Variants in EPHA2 observed in about 807,000 individuals in gnomAD.
The protein encoded by EPHA2 is EPH receptor A2, also known as ephrin type-A receptor 2.
A neutral mutation model predicts 104.9 loss-of-function variants in EPHA2; 54 were observed. That is an observed-to-expected ratio of 0.51 (90% CI 0.41 to 0.65). EPHA2 has a LOEUF of 0.65. EPHA2 is among the 30% of genes least tolerant of loss of function. The pLI is 0.00. For missense variants in EPHA2, 1,117 were observed against 1,369.5 expected, an observed-to-expected ratio of 0.82 and a Z score of 2.91; for synonymous variants, 560 against 559.1, an observed-to-expected ratio of 1.00 and a Z score of -0.02.
Position 16,148,435 on chromosome 1 carries a change from G to T in EPHA2, c.766C>A (p.Pro256Thr). ...HCAVDGEWLV[P>T]IGQCLCQAGY... ...GCCTGGCACAGGCACTGCCCAATGG[G>T]CACCAGCCACTCGCCATCCACTGCA... Residue 256 changes from proline (P) to threonine (T), a missense_variant, in exon 3 of 17, where the codon CCC becomes ACC. Pro to Thr is a conservative substitution (Grantham distance 38, BLOSUM62 -1). Coordinates refer to ENST00000358432, the MANE Select transcript of EPHA2 (RefSeq NM_004431.5). The surrounding 1 kb of genome is among the most constrained non-coding windows in gnomAD (Gnocchi z 4.9). 1.2e-6 allele frequency: 2 copies of T among 1,611,934 alleles called. No homozygotes were observed. The highest frequency in any genetic ancestry group is 1.7e-6 in the Non-Finnish European group (2 of 1,179,800).
chr1:16,132,162 G>C lies in EPHA2; in HGVS notation c.2227C>G (p.Arg743Gly), dbSNP rs970850963. 6.2e-7 allele frequency: 1 copy of C among 1,614,180 alleles called. No homozygotes were observed. Among genetic ancestry groups the C allele is most frequent in the East Asian group, 2.2e-5 (1 of 44,886 alleles). ...MNYVHRDLAA[R>G]NILVNSNLVC... ...AGGTTGCTGTTGACGAGGATGTTGC[G>C]GGCAGCCAGGTCACGGTGCACATAG... is the stretch of plus-strand genomic sequence containing the variant. The change falls in exon 13 of 17, where the codon CGC (arginine) becomes GGC (glycine). Residue 743 changes from arginine (R) to glycine (G), a missense_variant. Coordinates refer to ENST00000358432, the MANE Select transcript of EPHA2 (RefSeq NM_004431.5).
chr1:16,156,024 G>C lies in EPHA2; in HGVS notation c.-92C>G, dbSNP rs2025162636. ...CCGGCCTCGGTGTCCGCTCCCGCCC[G>C]CCGGCCTGCGCGCAACTTCTGCCCC... On this transcript the variant is annotated 5_prime_UTR_variant, in exon 1 of 17. Transcript: ENST00000358432. The C allele has an allele frequency of 1.8e-6, 2 of 1,137,280 alleles. No individual in the cohort carries two copies. Among genetic ancestry groups the C allele is most frequent in the South Asian group, 1.8e-5 (1 of 56,228 alleles). The allele number at this position is 1,137,280 out of a possible 1,614,324, so 70.4% of individuals were successfully genotyped here.
chr1:16,132,654 T>G (rs1313447637), intron 11 of EPHA2, among the ~76,000 whole-genome samples: 4 of 123,120 alleles, frequency 3.2e-5, no homozygotes, highest in Admixed American at 8.1e-5. Flanking sequence ...TGGGGAGAGG[T>G]GGGTTCAGGT....
chr1:16,155,775 G>A (rs986532023), intron 1 of EPHA2, 73 bp downstream of exon 1: 11 of 1,195,672 alleles, frequency 9.2e-6, no homozygotes, highest in Admixed American at 8.3e-5. Flanking sequence ...AAAGTTGCGC[G>A]CGTCAAGGAG....
chr1:16,141,360 G>T (rs2024821157), intron 3 of EPHA2, among the ~76,000 whole-genome samples: 1 of 152,204 alleles, frequency 6.6e-6, no homozygotes, highest in African/African-American at 2.4e-5. Flanking sequence ...AAACCCATGA[G>T]TATATTGCAT....
In EPHA2 at chr1:16,148,987, C is replaced by T. The variant is rs370014325; in HGVS notation, c.214G>A (p.Val72Met). The T allele has an allele frequency of 2.5e-6, 4 of 1,613,972 alleles. No individual in the cohort carries two copies. Among genetic ancestry groups the T allele is most frequent in the African/African-American group, 2.7e-5 (2 of 74,920 alleles). The change falls in exon 3 of 17, where the codon GTG becomes ATG. Residue 72 changes from valine to methionine, a missense_variant. Val to Met is a conservative substitution (Grantham distance 21, BLOSUM62 1). This residue lies in a region of EPHA2 where 664 missense variants were observed against 784.8 expected (regional missense o/e 0.85). Coordinates refer to ENST00000358432, the MANE Select transcript of EPHA2 (RefSeq NM_004431.5). The surrounding 1 kb of genome is among the most constrained non-coding windows in gnomAD (Gnocchi z 4.9). ...CAGTTGTCCTGGTCGCCAGACATCACGTTGCACACGGAGTACATGTAGATC... is the reference window on the plus strand; with the variant it reads ...CAGTTGTCCTGGTCGCCAGACATCATGTTGCACACGGAGTACATGTAGATC... Reference protein sequence around the residue: ...MPIYMYSVCNVMSGDQDNWLR... With the variant: ...MPIYMYSVCNMMSGDQDNWLR...
intron 16 of EPHA2, among the ~76,000 whole-genome samples, chr1:16,127,893 C>T (rs1376558786): frequency 8.5e-5 from 13 of 152,316 alleles, no homozygotes; most frequent in Non-Finnish European, 5.9e-5. Context: ...GCGAGGAGCA[C>T]CCTGGGCTAT....
At chr1:16,152,937 C>A (rs780467332) in intron 1 of EPHA2, among the ~76,000 whole-genome samples, 8 of 152,176 alleles carry the variant, frequency 5.3e-5, no homozygotes, top group Non-Finnish European at 1.2e-4. Flanking sequence ...AGGCGCCCAG[C>A]GCTGGGTCCC....
Position 16,131,203 on chromosome 1 carries a change from C to A in EPHA2, c.2475+518G>T, listed in dbSNP as rs2024563667. On this transcript the variant is annotated intron_variant, in intron 14 of 16. Transcript: ENST00000358432. The surrounding 1 kb of genome is among the most constrained non-coding windows in gnomAD (Gnocchi z 5.2). The stretch of plus-strand genomic sequence containing the variant: ...ATGGACACACGGATACACACGTACA[C>A]CCCACTCCTTTTTTCATCTCTGCAC... Among the ~76,000 whole-genome samples, 1 of 152,012 alleles carries A rather than the reference C, an allele frequency of 6.6e-6. No homozygotes were observed. Among genetic ancestry groups the A allele is most frequent in the Admixed American group, 6.6e-5 (1 of 15,228 alleles).
intron 3 of EPHA2, among the ~76,000 whole-genome samples, chr1:16,145,322 A>G (rs2024912215): frequency 6.6e-6 from 1 of 152,172 alleles, no homozygotes; most frequent in Non-Finnish European, 1.5e-5. Flanking sequence ...CATTCCTGAC[A>G]TAGTTCATGG....
Position 16,155,856 on chromosome 1 carries a change from C to T in EPHA2, c.77G>A (p.Gly26Asp). ...CALAAAAAAQ[G>D]KEVVLLDFAA... Reference sequence around the variant, plus strand: ...ACGCCGCGCGCACTCACCTTCCTTGCCCTGCGCCGCCGCGGCCGCGGCCAG... The same window carrying T: ...ACGCCGCGCGCACTCACCTTCCTTGTCCTGCGCCGCCGCGGCCGCGGCCAG... Residue 26 changes from glycine to aspartate, a missense_variant, in exon 1 of 17, where the codon GGC becomes GAC. Transcript: ENST00000358432. 2.7e-6 allele frequency: 4 copies of T among 1,454,784 alleles called. No individual in the cohort carries two copies. Among genetic ancestry groups the T allele is most frequent in the Non-Finnish European group, 3.6e-6 (4 of 1,109,530 alleles). 90.1% of individuals were successfully genotyped at this position (1,454,784 alleles called of 1,614,324 possible). A position where few individuals can be genotyped will look rare whatever the true frequency, so the allele number is the denominator to read the frequency against.
chr1:16,137,625 T>C (rs955162697), intron 5 of EPHA2, among the ~76,000 whole-genome samples: 2 of 152,176 alleles, frequency 1.3e-5, no homozygotes, highest in Non-Finnish European at 2.9e-5. Flanking sequence ...ATTGCAAAAA[T>C]AATATCATAA....
At position 16,135,653 on chromosome 1, in the gene EPHA2, AC is replaced by A. The variant is rs2024670100; in HGVS notation, c.1428+1del. On this transcript the variant is annotated splice_donor_variant, in intron 6 of 16. Transcript: ENST00000358432. LOFTEE classifies it high-confidence loss of function. This position sits in a 1 kb window ranked among gnomAD's most constrained non-coding sequence, Gnocchi z 4.3. The stretch of plus-strand genomic sequence containing the variant: ...AGCCAGCCCCGCCCCTCTGGGAGTT[AC>A]CTTCTTGCGGTAAGTGACCTCGTAC... The A allele has an allele frequency of 6.2e-7, 1 of 1,613,372 alleles. No individual in the cohort carries two copies. The highest frequency in any genetic ancestry group is 1.3e-5 in the African/African-American group (1 of 74,784).
In EPHA2 at chr1:16,129,529, G is replaced by A. The variant is rs140726562; in HGVS notation, c.2730C>T (p.Ser910=). The change falls in exon 16 of 17, where the codon TCC becomes TCT. Residue 910 remains serine, a synonymous_variant. Transcript: ENST00000358432. ...GSEGVPFRTV[S]EWLESIKMQQ... ...GCATCTTGATGGACTCCAGCCACTC[G>A]GACACCGTGCGGAAGGGCACCCCCT... is the stretch of plus-strand genomic sequence containing the variant. 1.5e-4 allele frequency: 242 copies of A among 1,613,434 alleles called. No homozygotes were observed. Among genetic ancestry groups the A allele is most frequent in the East Asian group, 4.5e-5 (2 of 44,882 alleles).
chr1:16,142,955 A>T (rs1201000608), intron 3 of EPHA2, among the ~76,000 whole-genome samples: 1 of 35,784 alleles, frequency 2.8e-5, no homozygotes, highest in African/African-American at 1.0e-4. Flanking sequence ...AGGGATGGAT[A>T]GGCAGGAGGG....
chr1:16,129,329 A>G, intron 16 of EPHA2, 105 bp downstream of exon 16: 1 of 1,358,744 alleles, frequency 7.4e-7, no homozygotes, highest in Non-Finnish European at 1.0e-6. Flanking sequence ...GAAAGAACAA[A>G]GAGAGGAGCA....
intron 3 of EPHA2, among the ~76,000 whole-genome samples, chr1:16,142,129 T>C (rs1391833264): frequency 1.3e-5 from 2 of 152,226 alleles, no homozygotes; most frequent in African/African-American, 4.8e-5. Context: ...CAAACTCCTA[T>C]GCATCCTTTA....
rs1050676892 is a variant in EPHA2 at position 16,134,623 on chromosome 1, C to T, written c.1583-56G>A. ...AGTTCCCCCACAAATTACAGCAACA[C>T]CCGCGCTGCACCCAAGACACCTGGG... On this transcript the variant is annotated intron_variant, in intron 7 of 16. Coordinates refer to ENST00000358432, the MANE Select transcript of EPHA2 (RefSeq NM_004431.5). The surrounding 1 kb of genome is among the most constrained non-coding windows in gnomAD (Gnocchi z 4.5). 4.5e-5 allele frequency: 71 copies of T among 1,568,814 alleles called. No homozygotes were observed. The highest frequency in any genetic ancestry group is 2.6e-4 in the African/African-American group (19 of 73,642).
At position 16,148,276 on chromosome 1, in the gene EPHA2, C is replaced by A; in HGVS notation, c.823+102G>T. ...TTCCACTAACAGAACTAATGTGTGT[C>A]AAAGCAGGGATGAGCTTACCAAGAT... On this transcript the variant is annotated intron_variant, in intron 3 of 16. Transcript: ENST00000358432. This position sits in a 1 kb window ranked among gnomAD's most constrained non-coding sequence, Gnocchi z 4.9. The A allele has an allele frequency of 6.8e-7, 1 of 1,462,882 alleles. No homozygotes were observed. Among genetic ancestry groups the A allele is most frequent in the Non-Finnish European group, 9.5e-7 (1 of 1,053,792 alleles). 90.6% of individuals were successfully genotyped at this position (1,462,882 alleles called of 1,614,324 possible).
Sources: gnomAD v4.1 joint callset for allele counts (sites outside exome capture counted in the v4.1 genomes callset) on GRCh38, gnomAD v4.1.1 for gene constraint, gnomAD v4.1.1 regional missense constraint, Gnocchi (gnomAD v3.1) non-coding constraint, MANE v1.5 for transcripts, NCBI Gene and HGNC (gene_info 2026-07-23, HGNC 2026-07-21) for gene names.